Variants in CDH13 observed in about 807,000 individuals in gnomAD.
CDH13 encodes cadherin-13.
CDH13 carries 24 observed loss-of-function variants against 63.8 expected under a neutral mutation model. The ratio of observed to expected loss-of-function variants is 0.38; its 90% CI spans 0.27 to 0.53. The LOEUF is 0.53. CDH13 is among the 20% of genes least tolerant of loss of function. The pLI, the probability that CDH13 is intolerant of heterozygous loss-of-function variation, is 0.85. For synonymous variants in CDH13, 503 were observed against 355.3 expected, an observed-to-expected ratio of 1.42 and a Z score of -4.67; for missense variants, 1,049 against 903.1, an observed-to-expected ratio of 1.16 and a Z score of -2.07.
chr16:83,309,573 C>T (rs991965148), intron 5 of CDH13, among the ~76,000 whole-genome samples: 23 of 152,188 alleles, frequency 1.5e-4, no homozygotes, highest in Admixed American at 7.2e-4. Context: ...GATGGGGTTT[C>T]ACCATGTTGG....
chr16:83,138,376 C>A (rs1198446525), intron 4 of CDH13, among the ~76,000 whole-genome samples: 2 of 151,830 alleles, frequency 1.3e-5, no homozygotes, highest in African/African-American at 2.4e-5. Flanking sequence ...GCTGTGGGAT[C>A]TTGGAAAAAT....
chr16:83,029,854 C>T (rs995051426), intron 2 of CDH13, among the ~76,000 whole-genome samples: 1 of 152,116 alleles, frequency 6.6e-6, no homozygotes, highest in African/African-American at 2.4e-5. Flanking sequence ...TATGTGTCTA[C>T]ATTATGCTTC....
intron 10 of CDH13, among the ~76,000 whole-genome samples, chr16:83,705,875 A>G (rs1906965155): frequency 6.6e-6 from 1 of 152,192 alleles, no homozygotes; most frequent in Middle Eastern, 3.2e-3. Context: ...CCTAACTTAA[A>G]TTTTATAAAA....
intron 7 of CDH13, among the ~76,000 whole-genome samples, chr16:83,549,642 CAAAAA>C (rs11302201): frequency 1.6e-5 from 2 of 125,734 alleles, no homozygotes; most frequent in Non-Finnish European, 3.4e-5. Context: ...TCTCTACGCT[CAAAAA>C]AAAAAAAAAG....
intron 8 of CDH13, among the ~76,000 whole-genome samples, chr16:83,652,672 C>G (rs536388731): frequency 6.6e-6 from 1 of 152,274 alleles, no homozygotes; most frequent in East Asian, 1.9e-4. Flanking sequence ...CTCTGGGAAG[C>G]TGACAGGCCA....
intron 2 of CDH13, among the ~76,000 whole-genome samples, chr16:82,967,185 G>A (rs143981566): frequency 1.8e-4 from 27 of 152,180 alleles, no homozygotes; most frequent in African/African-American, 6.3e-4. Flanking sequence ...AACTTCCTAT[G>A]TCAACACCTA....
intron 7 of CDH13, among the ~76,000 whole-genome samples, chr16:83,575,091 C>T (rs770571356): frequency 4.6e-5 from 7 of 152,242 alleles, no homozygotes; most frequent in African/African-American, 7.2e-5. Context: ...TGTGAGATGA[C>T]GTATTTTTGT....
chr16:83,709,165 C>T (rs1459242624), intron 10 of CDH13, among the ~76,000 whole-genome samples: 3 of 152,184 alleles, frequency 2.0e-5, no homozygotes, highest in Non-Finnish European at 2.9e-5. Flanking sequence ...GGAATGCAGG[C>T]ATCTCTAGAT....
At chr16:82,802,602 C>G (rs1424335859) in intron 1 of CDH13, among the ~76,000 whole-genome samples, 1 of 152,166 alleles carries the variant, frequency 6.6e-6, no homozygotes. Context: ...GGTTCATACT[C>G]TGGGGCTTCA....
chr16:83,463,320 C>A (rs2073227088), intron 6 of CDH13, among the ~76,000 whole-genome samples: 1 of 152,156 alleles, frequency 6.6e-6, no homozygotes, highest in Non-Finnish European at 1.5e-5. Flanking sequence ...CAGCGATTCA[C>A]AATAAAAACA....
At chr16:82,649,855 A>G (rs1649408835) in intron 1 of CDH13, among the ~76,000 whole-genome samples, 2 of 152,188 alleles carry the variant, frequency 1.3e-5, no homozygotes, top group South Asian at 2.1e-4. Context: ...CCGACCCCTC[A>G]TCTGTTGAAT....
chr16:83,397,302 GA>G (rs2091902441), intron 6 of CDH13: 2 of 152,122 alleles, frequency 1.3e-5, no homozygotes, highest in Non-Finnish European at 2.9e-5. Flanking sequence ...AACCAGTCAA[GA>G]AGTTCAACCC....
At chr16:83,105,015 T>TA (rs2034694974) in intron 3 of CDH13, among the ~76,000 whole-genome samples, 1 of 152,198 alleles carries the variant, frequency 6.6e-6, no homozygotes, top group Non-Finnish European at 1.5e-5. Context: ...TTCCTTTTTT[T>TA]AACTTTTAAG....
intron 1 of CDH13, among the ~76,000 whole-genome samples, chr16:82,748,137 C>T (rs28603097): frequency 1.3e-5 from 2 of 152,146 alleles, no homozygotes; most frequent in African/African-American, 4.8e-5. Context: ...ATAAATGACT[C>T]CCTGGCATTT....
At chr16:82,879,325 C>G (rs17674111) in intron 2 of CDH13, among the ~76,000 whole-genome samples, 9,750 of 151,738 alleles carry the variant, frequency 0.064, 438 homozygotes, top group Middle Eastern at 0.092. Context: ...CTGGTACAGT[C>G]TCTGCTTGGC....
At chr16:83,386,871 T>G (rs1484362242) in intron 6 of CDH13, among the ~76,000 whole-genome samples, 1 of 152,154 alleles carries the variant, frequency 6.6e-6, no homozygotes, top group Non-Finnish European at 1.5e-5. Context: ...ATCACTTCTG[T>G]ATTTAAGGAA....
At chr16:83,754,853 T>G (rs1277453740) in intron 11 of CDH13, among the ~76,000 whole-genome samples, 1 of 152,136 alleles carries the variant, frequency 6.6e-6, no homozygotes, top group Non-Finnish European at 1.5e-5. Context: ...AATGGACTAA[T>G]ACATCATCCT....
rs1917933309 is a variant in CDH13, at chr16:83,047,753, C to A, written c.366+15535C>A. Among the ~76,000 whole-genome samples the A allele has an allele frequency of 6.6e-6, 1 of 152,144 alleles. No homozygotes were observed. Among genetic ancestry groups the A allele is most frequent in the South Asian group, 2.1e-4 (1 of 4,826 alleles). ...AGAATGAATATTGATATTAATAATG[C>A]AGATCGTAGTCAATTTATTTAGCTC... On this transcript the variant is annotated intron_variant, in intron 3 of 13. Coordinates refer to ENST00000567109, the MANE Select transcript of CDH13 (RefSeq NM_001257.5). This position sits in a 1 kb window ranked among gnomAD's most constrained non-coding sequence, Gnocchi z 4.9.
At chr16:82,921,129 A>G (rs996623126) in intron 2 of CDH13, among the ~76,000 whole-genome samples, 8 of 152,286 alleles carry the variant, frequency 5.3e-5, no homozygotes, top group African/African-American at 1.2e-4. Context: ...GATAAGTTGT[A>G]TTAGTTTTCT....
Sources: gnomAD v4.1 joint callset for allele counts (sites outside exome capture counted in the v4.1 genomes callset) on GRCh38, gnomAD v4.1.1 for gene constraint, Gnocchi (gnomAD v3.1) non-coding constraint, MANE v1.5 for transcripts, NCBI Gene and HGNC (gene_info 2026-07-23, HGNC 2026-07-21) for gene names.